Variants in WDR41 observed in about 807,000 individuals in gnomAD.
WDR41 encodes the protein WD repeat-containing protein 41.
In WDR41, 63 loss-of-function variants were observed where a neutral mutation model predicts 69.3. The observed-to-expected ratio is 0.91, with a 90% CI of 0.74 to 1.12. WDR41 has a LOEUF of 1.12. Ranked by LOEUF, WDR41 falls within the 50% of genes most tolerant of loss-of-function variation. The pLI is 0.00. For missense variants in WDR41, 543 were observed against 534.5 expected (o/e 1.02, Z -0.16); for synonymous variants, 185 against 192.1 (o/e 0.96, Z 0.31).
chr5:77,565,252 T>C (rs1294844748), intron 1 of WDR41, among the ~76,000 whole-genome samples: 1 of 152,184 alleles, frequency 6.6e-6, no homozygotes, highest in African/African-American at 2.4e-5. Context: ...CTTTCCACTT[T>C]CAACACATAC....
At chr5:77,470,715 C>A (rs1296092304) in intron 2 of WDR41, among the ~76,000 whole-genome samples, 4 of 152,176 alleles carry the variant, frequency 2.6e-5, no homozygotes, top group African/African-American at 4.8e-5. Context: ...GATCAATTCA[C>A]AAGAAGAGCT....
chr5:77,473,360 A>T (rs1352992516), intron 2 of WDR41, among the ~76,000 whole-genome samples: 1 of 152,188 alleles, frequency 6.6e-6, no homozygotes, highest in African/African-American at 2.4e-5. Context: ...AACCTAGGCA[A>T]TACCATTCAG....
rs751699801 is a variant in WDR41, at chr5:77,489,472, T to C, written c.152A>G (p.Gln51Arg). ...AHHDIVRFLV[Q>R]LDDYRFASAG... ...AGCTTCTTACCTGTAGTCATCTAAC[T>C]GTACCAGAAATCGTACAATATCATG... Residue 51 changes from glutamine to arginine, a missense_variant, in exon 2 of 13, where the codon CAG (glutamine) becomes CGG (arginine). Transcript: ENST00000296679. The C allele has an allele frequency of 1.3e-6, 2 of 1,598,936 alleles. No homozygotes were observed. Among genetic ancestry groups the C allele is most frequent in the South Asian group, 1.1e-5 (1 of 87,538 alleles).
chr5:77,496,556 C>T (rs577663032), upstream of WDR41, among the ~76,000 whole-genome samples: 75 of 152,034 alleles, frequency 4.9e-4, no homozygotes, highest in African/African-American at 1.8e-3. Flanking sequence ...AAATCTAACC[C>T]TGGAGGTGAA....
intron 1 of WDR41, among the ~76,000 whole-genome samples, chr5:77,584,848 A>G (rs9688155): frequency 6.6e-6 from 1 of 152,012 alleles, no homozygotes; most frequent in African/African-American, 2.4e-5. Flanking sequence ...ACTTAAACTT[A>G]AGACCTGAAA....
chr5:77,436,072 C>T (rs1798926229), intron 12 of WDR41, among the ~76,000 whole-genome samples, 189 bp downstream of exon 12: 1 of 151,942 alleles, frequency 6.6e-6, no homozygotes, highest in Non-Finnish European at 1.5e-5. Context: ...CTTGTTTCCT[C>T]AAATCATATA....
intron 8 of WDR41, among the ~76,000 whole-genome samples, chr5:77,448,662 G>T (rs1799497532): frequency 6.6e-6 from 1 of 152,062 alleles, no homozygotes; most frequent in South Asian, 2.1e-4. Flanking sequence ...GAGGTCAGGA[G>T]TTCGAGACCA....
chr5:77,485,883 A>G (rs557173621), intron 2 of WDR41, among the ~76,000 whole-genome samples: 4 of 152,300 alleles, frequency 2.6e-5, no homozygotes, highest in African/African-American at 7.2e-5. Context: ...CCTTCTGCAA[A>G]ATTTTCAATA....
At chr5:77,594,969 T>C (rs544813386) in intron 1 of WDR41, among the ~76,000 whole-genome samples, 1 of 152,262 alleles carries the variant, frequency 6.6e-6, no homozygotes, top group South Asian at 2.1e-4. Flanking sequence ...GGGTCTGAAA[T>C]AGTAAGAAAG....
In WDR41 at chr5:77,451,287, TC is replaced by T; in HGVS notation, c.586+3del. 6.2e-7 allele frequency: 1 copy of T among 1,613,364 alleles called. No homozygotes were observed. The highest frequency in any genetic ancestry group is 8.5e-7 in the Non-Finnish European group (1 of 1,179,590). Reference sequence around the variant, plus strand: ...TACACAAAAAGAAAAAAATTCATACTCACTCAGTTCTTTGCCAACTGCTGCC... The same window carrying T: ...TACACAAAAAGAAAAAAATTCATACTACTCAGTTCTTTGCCAACTGCTGCC... On this transcript the variant is annotated splice_donor_region_variant and intron_variant, in intron 7 of 12. Coordinates refer to ENST00000296679, the MANE Select transcript of WDR41 (RefSeq NM_018268.4).
chr5:77,438,237 T>A lies in WDR41; in HGVS notation c.1004+3A>T. 6.2e-7 allele frequency: 1 copy of A among 1,613,952 alleles called. No homozygotes were observed. Among genetic ancestry groups the A allele is most frequent in the Non-Finnish European group, 8.5e-7 (1 of 1,179,816 alleles). On this transcript the variant is annotated splice_donor_region_variant and intron_variant, in intron 10 of 12. Coordinates refer to ENST00000296679, the MANE Select transcript of WDR41 (RefSeq NM_018268.4). ...CTATTGCAGAACAGATGGGAACTTG[T>A]ACCTGTTTGGAAGTCTGGCAACGTG...
chr5:77,613,936 A>G (rs1035135982), intron 1 of WDR41, among the ~76,000 whole-genome samples: 5 of 152,238 alleles, frequency 3.3e-5, no homozygotes, highest in African/African-American at 1.2e-4. Flanking sequence ...AATGAACTCA[A>G]ACAAATTTAC....
At chr5:77,498,962 A>T (rs1801976845) in intron 1 of WDR41, among the ~76,000 whole-genome samples, 1 of 152,240 alleles carries the variant, frequency 6.6e-6, no homozygotes. Context: ...TTTAAAAGAC[A>T]CTGTTAAGAG....
intron 2 of WDR41, among the ~76,000 whole-genome samples, chr5:77,477,162 A>G (rs528319587): frequency 6.8e-6 from 1 of 148,082 alleles, no homozygotes; most frequent in South Asian, 2.1e-4. Flanking sequence ...AGGAGCACCC[A>G]GATGAATAAA....
chr5:77,593,785 T>C (rs1014668351), intron 1 of WDR41, among the ~76,000 whole-genome samples: 7 of 152,184 alleles, frequency 4.6e-5, no homozygotes, highest in African/African-American at 1.7e-4. Flanking sequence ...TTCAGTCTAA[T>C]GCTCATTCTA....
At chr5:77,480,550 C>A (rs1801183165) in intron 2 of WDR41, among the ~76,000 whole-genome samples, 1 of 152,078 alleles carries the variant, frequency 6.6e-6, no homozygotes, top group African/African-American at 2.4e-5. Context: ...TGGAAAACAT[C>A]ATGCTCAGTA....
intron 1 of WDR41, among the ~76,000 whole-genome samples, chr5:77,501,563 G>T (rs1048908895): frequency 2.6e-5 from 4 of 152,242 alleles, no homozygotes; most frequent in African/African-American, 9.6e-5. Flanking sequence ...AGAACAGACA[G>T]ACTGTCTCCT....
At chr5:77,549,493 A>G (rs1459974995) in intron 1 of WDR41, among the ~76,000 whole-genome samples, 1 of 152,082 alleles carries the variant, frequency 6.6e-6, no homozygotes, top group African/African-American at 2.4e-5. Context: ...TCAAGAACAT[A>G]ATCTCATTTT....
At chr5:77,452,553 C>T (rs1234006535) in intron 6 of WDR41, 1 of 152,142 alleles carries the variant, frequency 6.6e-6, no homozygotes, top group Non-Finnish European at 1.5e-5. Flanking sequence ...CTCCACCAGT[C>T]CATAAATCAA....
Sources: allele counts gnomAD v4.1 joint callset (sites outside exome capture counted in the v4.1 genomes callset), GRCh38; gene constraint gnomAD v4.1.1; transcripts MANE v1.5; gene names NCBI Gene and HGNC (gene_info 2026-07-23, HGNC 2026-07-21).